Variants in RNF6 observed in about 807,000 individuals in gnomAD.
RNF6 encodes the protein E3 ubiquitin-protein ligase RNF6.
In RNF6, 21 loss-of-function variants were observed where a neutral mutation model predicts 50.1. That is an observed-to-expected ratio of 0.42 (90% CI 0.30 to 0.60). The LOEUF (loss-of-function observed/expected upper bound fraction) is 0.60, where lower values mean the gene tolerates loss of function less well. Among genes scored for constraint, RNF6 ranks in the 20% least tolerant of loss-of-function variants. RNF6 has a pLI of 0.20. For missense variants in RNF6, 698 were observed against 838.2 expected, an observed-to-expected ratio of 0.83 and a Z score of 2.07; for synonymous variants, 255 against 291.8, an observed-to-expected ratio of 0.87 and a Z score of 1.29.
intron 5 of RNF6, among the ~76,000 whole-genome samples, chr13:26,192,546 G>A (rs1268601301): frequency 6.6e-6 from 1 of 152,176 alleles, no homozygotes; most frequent in African/African-American, 2.4e-5. Flanking sequence ...CAAAGGTGGT[G>A]GGATATCACT....
intron 5 of RNF6, among the ~76,000 whole-genome samples, chr13:26,190,475 T>C (rs1294982121): frequency 1.3e-5 from 2 of 152,238 alleles, no homozygotes; most frequent in East Asian, 3.8e-4. Flanking sequence ...TTCTGACAGA[T>C]GCTTACCTAA....
intron 5 of RNF6, among the ~76,000 whole-genome samples, chr13:26,151,957 G>A (rs1388157916): frequency 6.6e-6 from 1 of 152,096 alleles, no homozygotes; most frequent in Non-Finnish European, 1.5e-5. Flanking sequence ...CACCAGAGCT[G>A]TTCATGTCAG....
intron 5 of RNF6, among the ~76,000 whole-genome samples, chr13:26,188,949 T>C (rs1163890881): frequency 6.6e-6 from 1 of 151,712 alleles, no homozygotes; most frequent in East Asian, 1.9e-4. Context: ...TCTGAAGAGG[T>C]TGTATGCAAA....
intron 4 of RNF6, among the ~76,000 whole-genome samples, chr13:26,216,425 C>T (rs190085342): frequency 1.2e-3 from 182 of 152,208 alleles, no homozygotes; most frequent in African/African-American, 4.3e-3. Context: ...GTCACTGTTA[C>T]ATCTCCAGCC....
rs1340613376 is a variant in RNF6, at chr13:26,222,176, G to C, written c.-275C>G. The C allele has an allele frequency of 6.6e-6, 1 of 152,438 alleles. No homozygotes were observed. The allele number at this position is 152,438 out of a possible 1,614,324, so 9.4% of individuals were successfully genotyped here. On this transcript the variant is annotated 5_prime_UTR_variant, in exon 1 of 5. Transcript: ENST00000381588. ...AGGAGAGAAGCCGGAAGCCCGTGCT[G>C]CAGCGTGGGGTCGTCCAGCTGGAGG...
At chr13:26,190,014 A>G (rs112842895) in intron 5 of RNF6, among the ~76,000 whole-genome samples, 5,540 of 152,310 alleles carry the variant, frequency 0.036, 362 homozygotes, top group African/African-American at 0.13. Context: ...TAGAAATCCA[A>G]CACAGGTCTC....
At chr13:26,199,324 GACAA>G (rs1868803693) in intron 5 of RNF6, among the ~76,000 whole-genome samples, 1 of 152,096 alleles carries the variant, frequency 6.6e-6, no homozygotes, top group Non-Finnish European at 1.5e-5. Flanking sequence ...TCCATATGCA[GACAA>G]ACAAAATTTA....
At chr13:26,201,276 C>G (rs1389477999) in intron 5 of RNF6, among the ~76,000 whole-genome samples, 1 of 152,206 alleles carries the variant, frequency 6.6e-6, no homozygotes, top group African/African-American at 2.4e-5. Flanking sequence ...TCTCGTAAAG[C>G]TAGCAACACA....
At chr13:26,218,282 C>A (rs1319426630) in intron 4 of RNF6, among the ~76,000 whole-genome samples, 1 of 152,152 alleles carries the variant, frequency 6.6e-6, no homozygotes, top group African/African-American at 2.4e-5. Flanking sequence ...TATATTATTA[C>A]ATAAAGCTCT....
chr13:26,175,461 C>T (rs1872910642), intron 5 of RNF6, among the ~76,000 whole-genome samples: 1 of 152,200 alleles, frequency 6.6e-6, no homozygotes, highest in African/African-American at 2.4e-5. Flanking sequence ...GGCACACTCA[C>T]CATCTCCTTG....
intron 5 of RNF6, among the ~76,000 whole-genome samples, chr13:26,197,988 GA>G (rs1315591156): frequency 2.0e-5 from 3 of 151,570 alleles, no homozygotes; most frequent in Non-Finnish European, 2.9e-5. Flanking sequence ...AAGATAATTA[GA>G]AAATGTTTTG....
intron 5 of RNF6, among the ~76,000 whole-genome samples, chr13:26,157,233 T>C (rs1871974321): frequency 6.6e-6 from 1 of 152,188 alleles, no homozygotes; most frequent in South Asian, 2.1e-4. Context: ...ATGTAAATTT[T>C]ATCCCAATAA....
rs551036747 is a variant in RNF6 at position 26,206,413 on chromosome 13, T to G, written n.768+9061A>C. On this transcript the variant is annotated intron_variant and non_coding_transcript_variant, in intron 5 of 5. Coordinates refer to the RNF6 transcript ENST00000468480. ...ATTTGAAATTTGAGAAAGGCAGGCTTCACAGAGTGTCAAACACTTGGGTTC... is the reference window on the plus strand; with the variant it reads ...ATTTGAAATTTGAGAAAGGCAGGCTGCACAGAGTGTCAAACACTTGGGTTC... 1.4e-4 allele frequency among the ~76,000 whole-genome samples: 22 copies of G among 152,326 alleles called. 1 individual carries two copies. Among genetic ancestry groups the G allele is most frequent in the African/African-American group, 5.3e-4 (22 of 41,576 alleles).
rs1367178754 is a variant in RNF6 at position 26,219,472 on chromosome 13, G to A, written c.178C>T (p.Leu60Phe). The A allele has an allele frequency of 1.9e-6, 3 of 1,609,658 alleles. No homozygotes were observed. The highest frequency in any genetic ancestry group is 2.5e-6 in the Non-Finnish European group (3 of 1,177,314). Reference sequence around the variant, plus strand: ...CATCTCTTACCAGGGGTGCCTAAAAGATTATGGTCTCTCATAAGCCGATAA... The same window carrying A: ...CATCTCTTACCAGGGGTGCCTAAAAAATTATGGTCTCTCATAAGCCGATAA... ...EDYRLMRDHN[L>F]LGTPGEITSE... Residue 60 changes from leucine to phenylalanine, a missense_variant, in exon 3 of 5, where the codon CTT becomes TTT. Physicochemically the swap from Leu to Phe is conservative, Grantham distance 22. Transcript: ENST00000381588.
At chr13:26,221,389 CG>C (rs1345772104) in intron 1 of RNF6, 59 bp from the exon 2 acceptor site, 1 of 152,138 alleles carries the variant, frequency 6.6e-6, no homozygotes, top group African/African-American at 2.4e-5. Flanking sequence ...AGGCCAGGAA[CG>C]GGTGGTAGTC....
chr13:26,178,769 T>C (rs1873095475), intron 5 of RNF6, among the ~76,000 whole-genome samples: 1 of 152,092 alleles, frequency 6.6e-6, no homozygotes, highest in Non-Finnish European at 1.5e-5. Context: ...CTTGGACCCC[T>C]TGACCAATAT....
intron 5 of RNF6, among the ~76,000 whole-genome samples, chr13:26,153,420 G>A (rs1319547849): frequency 6.6e-6 from 1 of 151,936 alleles, no homozygotes; most frequent in African/African-American, 2.4e-5. Context: ...CACCATGTTG[G>A]CTAGGCTGGT....
At chr13:26,133,547 T>C (rs1276917308) in intron 5 of RNF6, among the ~76,000 whole-genome samples, 1 of 152,188 alleles carries the variant, frequency 6.6e-6, no homozygotes, top group African/African-American at 2.4e-5. Context: ...ATTGGGTAAT[T>C]TCTATTGTTT....
chr13:26,204,765 A>G (rs1240158168), intron 5 of RNF6, among the ~76,000 whole-genome samples: 2 of 152,206 alleles, frequency 1.3e-5, no homozygotes, highest in Non-Finnish European at 2.9e-5. Context: ...ATGACTATTC[A>G]TCTAATTAAA....
Sources: gnomAD v4.1 joint callset for allele counts (sites outside exome capture counted in the v4.1 genomes callset) on GRCh38, gnomAD v4.1.1 for gene constraint, MANE v1.5 for transcripts, NCBI Gene and HGNC (gene_info 2026-07-23, HGNC 2026-07-21) for gene names.